GASK1B: variants seen among roughly 807,000 people sequenced by gnomAD.
GASK1B encodes golgi associated kinase 1B.
GASK1B carries 34 observed loss-of-function variants against 42.8 expected under a neutral mutation model. That is an observed-to-expected ratio of 0.79 (90% CI 0.60 to 1.06). The LOEUF is 1.06. GASK1B is among the 50% of genes least tolerant of loss of function. GASK1B has a pLI of 0.00. For synonymous variants in GASK1B, 262 were observed against 259.1 expected, an observed-to-expected ratio of 1.01 and a Z score of -0.11; for missense variants, 686 against 661.0, an observed-to-expected ratio of 1.04 and a Z score of -0.42.
intron 3 of GASK1B, among the ~76,000 whole-genome samples, chr4:158,152,413 T>C (rs1731592223): frequency 6.6e-6 from 1 of 152,048 alleles, no homozygotes; most frequent in Non-Finnish European, 1.5e-5. Flanking sequence ...CTACCAGACA[T>C]TCAAAGAAGA....
At chr4:158,144,462 T>A (rs1280101236) in intron 3 of GASK1B, among the ~76,000 whole-genome samples, 1 of 152,204 alleles carries the variant, frequency 6.6e-6, no homozygotes, top group Admixed American at 6.5e-5. Flanking sequence ...ATAACCACAA[T>A]ACTGTTCAGT....
intron 2 of GASK1B, among the ~76,000 whole-genome samples, chr4:158,167,991 T>A (rs1732292768): frequency 6.6e-6 from 1 of 152,192 alleles, no homozygotes; most frequent in South Asian, 2.1e-4. Context: ...AGTGGTCTAT[T>A]TATGTACTTT....
At chr4:158,143,570 G>C (rs1255294222) in intron 3 of GASK1B, among the ~76,000 whole-genome samples, 2 of 152,036 alleles carry the variant, frequency 1.3e-5, no homozygotes, top group Admixed American at 1.3e-4. Context: ...GAAATGAAAA[G>C]GAAAAAGTGA....
In GASK1B at chr4:158,171,273, G is replaced by A. The variant is rs1388319561; in HGVS notation, c.103C>T (p.Arg35Trp). ...KLWSSRRPRT[R>W]RNLLLGTACA... ...GCAGTGCCCAGCAGAAGGTTTCTCC[G>A]GGTCCTTGGACGCCGGCTGCTCCAG... Residue 35 changes from arginine (R) to tryptophan (W), a missense_variant, in exon 2 of 5, where the codon CGG (arginine) becomes TGG (tryptophan). Physicochemically the swap from Arg to Trp is moderately radical, Grantham distance 101. Coordinates refer to ENST00000585682, the MANE Select transcript of GASK1B (RefSeq NM_001128424.2). 2.5e-6 allele frequency: 4 copies of A among 1,613,902 alleles called. No individual in the cohort carries two copies. Among genetic ancestry groups the A allele is most frequent in the Admixed American group, 1.7e-5 (1 of 60,028 alleles).
intron 4 of GASK1B, among the ~76,000 whole-genome samples, chr4:158,128,198 T>C (rs1232929544): frequency 1.3e-5 from 2 of 152,184 alleles, no homozygotes; most frequent in East Asian, 3.9e-4. Context: ...CTCCTGGAGC[T>C]CTGAGGATTT....
chr4:158,130,881 C>T lies in GASK1B; in HGVS notation c.1257G>A (p.Lys419=), dbSNP rs553579479. 6.2e-7 allele frequency: 1 copy of T among 1,614,096 alleles called. No homozygotes were observed. The highest frequency in any genetic ancestry group is 1.7e-5 in the Admixed American group (1 of 60,006). ...SAALAHIIQR[K]HDPRHLVFID... ...TAAAAACCAAATGCCTTGGGTCATGCTTTCGCTGGATAATGTGTGCTAGAG... is the reference window on the plus strand; with the variant it reads ...TAAAAACCAAATGCCTTGGGTCATGTTTTCGCTGGATAATGTGTGCTAGAG... The change falls in exon 4 of 5, where the codon AAG becomes AAA. Residue 419 remains lysine (K), a synonymous_variant. Transcript: ENST00000585682.
chr4:158,162,632 C>T (rs1732067219), intron 2 of GASK1B, among the ~76,000 whole-genome samples: 1 of 152,182 alleles, frequency 6.6e-6, no homozygotes, highest in Admixed American at 6.5e-5. Flanking sequence ...AGCTTGTGCT[C>T]AACTATCCAC....
rs1732497345 is a variant in GASK1B at position 158,171,026 on chromosome 4, T to G, written c.350A>C (p.Lys117Thr). 3.1e-6 allele frequency: 5 copies of G among 1,614,000 alleles called. No individual in the cohort carries two copies. The African/African-American group carries it at 6.7e-5, about 22-fold the overall frequency. The change falls in exon 2 of 5, where the codon AAG (lysine) becomes ACG (threonine). Residue 117 changes from lysine (K) to threonine (T), a missense_variant. Physicochemically the swap from Lys to Thr is moderately conservative, Grantham distance 78. Transcript: ENST00000585682. ...VYITLRSKRS[K>T]PANIRGTVKP... ...CACGGTGCCACGGATATTGGCCGGCTTGCTGCGCTTGGAGCGTAGGGTAAT... is the reference window on the plus strand; with the variant it reads ...CACGGTGCCACGGATATTGGCCGGCGTGCTGCGCTTGGAGCGTAGGGTAAT...
chr4:158,130,349 G>T (rs2110925385), intron 4 of GASK1B, among the ~76,000 whole-genome samples: 1 of 152,298 alleles, frequency 6.6e-6, no homozygotes, highest in African/African-American at 2.4e-5. Context: ...AGTCACTTGA[G>T]TTCATTATGA....
chr4:158,126,584 A>C lies in GASK1B; in HGVS notation c.*823T>G. 1 of 152,124 alleles carries C rather than the reference A, an allele frequency of 6.6e-6. No individual in the cohort carries two copies. The highest frequency in any genetic ancestry group is 1.9e-4 in the East Asian group (1 of 5,200). 9.4% of individuals were successfully genotyped at this position (152,124 alleles called of 1,614,324 possible). Reference sequence around the variant, plus strand: ...TGTTGGTAAAAGTAACAAAATTTTTAAAGAGACATCCATTTTAAAATGATA... The same window carrying C: ...TGTTGGTAAAAGTAACAAAATTTTTCAAGAGACATCCATTTTAAAATGATA... On this transcript the variant is annotated 3_prime_UTR_variant, in exon 5 of 5. Coordinates refer to ENST00000585682, the MANE Select transcript of GASK1B (RefSeq NM_001128424.2).
chr4:158,149,837 TACTA>T (rs2110977007), intron 3 of GASK1B, among the ~76,000 whole-genome samples: 1 of 151,842 alleles, frequency 6.6e-6, no homozygotes, highest in South Asian at 2.1e-4. Flanking sequence ...TTTAGGAACT[TACTA>T]ACTATGTAAC....
intron 3 of GASK1B, among the ~76,000 whole-genome samples, chr4:158,154,569 T>C (rs190361751): frequency 5.6e-4 from 86 of 152,340 alleles, no homozygotes; most frequent in Admixed American, 5.6e-3. Flanking sequence ...TGCATGTTTA[T>C]AGCAGCACAA....
intron 2 of GASK1B, among the ~76,000 whole-genome samples, chr4:158,159,906 T>C (rs1409801651): frequency 2.0e-5 from 3 of 152,152 alleles, no homozygotes; most frequent in Non-Finnish European, 4.4e-5. Context: ...CTTTGAGCAC[T>C]GGCTGAGCGG....
At chr4:158,141,479 G>GA (rs1414699116) in intron 3 of GASK1B, among the ~76,000 whole-genome samples, 5 of 151,296 alleles carry the variant, frequency 3.3e-5, no homozygotes, top group Admixed American at 3.3e-4. Context: ...TTGCCTTCAT[G>GA]AAAAAATGCT....
In GASK1B at chr4:158,130,868, GC is replaced by G; in HGVS notation, c.1269del (p.Arg423SerfsTer6). 1 of 1,613,930 alleles carries G rather than the reference GC, an allele frequency of 6.2e-7. No homozygotes were observed. The highest frequency in any genetic ancestry group is 1.7e-5 in the Admixed American group (1 of 59,988). On this transcript the variant is annotated frameshift_variant, in exon 4 of 5. Coordinates refer to ENST00000585682, the MANE Select transcript of GASK1B (RefSeq NM_001128424.2). LOFTEE classifies it high-confidence loss of function. ...CCCTTGTTGTCTATAAAAACCAAATGCCTTGGGTCATGCTTTCGCTGGATAA... is the reference window on the plus strand; with the variant it reads ...CCCTTGTTGTCTATAAAAACCAAATGCTTGGGTCATGCTTTCGCTGGATAA... ...AHIIQRKHDP[R>X]HLVFIDNKGF...
At chr4:158,144,461 A>G (rs552917334) in intron 3 of GASK1B, among the ~76,000 whole-genome samples, 1 of 152,336 alleles carries the variant, frequency 6.6e-6, no homozygotes, top group East Asian at 1.9e-4. Flanking sequence ...AATAACCACA[A>G]TACTGTTCAG....
chr4:158,170,515 C>T lies in GASK1B; in HGVS notation c.861G>A (p.Gly287=), dbSNP rs1469094498. 4 of 1,614,238 alleles carry T rather than the reference C, an allele frequency of 2.5e-6. No individual in the cohort carries two copies. Among genetic ancestry groups the T allele is most frequent in the Non-Finnish European group, 3.4e-6 (4 of 1,180,040 alleles). The change falls in exon 2 of 5, where the codon GGG becomes GGA. Residue 287 remains glycine (G), a synonymous_variant. Transcript: ENST00000585682. ...VFAFHLDRIL[G]LNRTLPSVSR... is the part of the protein sequence containing the mutation. ...TCACAGACGGCAGGGTCCTGTTGAG[C>T]CCCAGGATCCTGTCTAGGTGGAAGG...
chr4:158,159,167 G>A (rs927568833), intron 2 of GASK1B, among the ~76,000 whole-genome samples: 1 of 151,962 alleles, frequency 6.6e-6, no homozygotes, highest in African/African-American at 2.4e-5. Context: ...GCCAACTATC[G>A]CATAAAGACA....
intron 3 of GASK1B, 135 bp downstream of exon 3, chr4:158,155,476 A>G (rs1316848043): frequency 5.2e-6 from 4 of 771,720 alleles, no homozygotes; most frequent in African/African-American, 3.5e-5. Context: ...CAAAACCACA[A>G]TTACTTTTGC....
Sources: allele counts gnomAD v4.1 joint callset (sites outside exome capture counted in the v4.1 genomes callset), GRCh38; gene constraint gnomAD v4.1.1; transcripts MANE v1.5; gene names NCBI Gene and HGNC (gene_info 2026-07-23, HGNC 2026-07-21).